DNM3: variants seen among roughly 807,000 people sequenced by gnomAD.
The protein encoded by DNM3 is dynamin 3.
Under a neutral mutation model 101.6 loss-of-function variants are expected in DNM3, and 47 were observed. That is an observed-to-expected ratio of 0.46 (90% confidence interval 0.37 to 0.59). The LOEUF (loss-of-function observed/expected upper bound fraction) is 0.59. DNM3 is among the 20% of genes least tolerant of loss of function. The pLI is 0.00. For synonymous variants in DNM3, 385 were observed against 387.9 expected (o/e 0.99, Z 0.09); for missense variants, 849 against 1,085.7 (o/e 0.78, Z 3.06).
chr1:172,053,020 A>C (rs2050315333), intron 10 of DNM3, among the ~76,000 whole-genome samples: 1 of 152,166 alleles, frequency 6.6e-6, no homozygotes. Context: ...CCTCAAATTC[A>C]TCTTTGCCAT....
At chr1:171,937,130 A>G (rs1217822025) in intron 2 of DNM3, among the ~76,000 whole-genome samples, 4 of 152,374 alleles carry the variant, frequency 2.6e-5, no homozygotes, top group African/African-American at 9.6e-5. Context: ...AGACTGATAC[A>G]TAGCAAAAAC....
chr1:172,376,462 T>A (rs2068606772), intron 17 of DNM3: 1 of 152,074 alleles, frequency 6.6e-6, no homozygotes, highest in Non-Finnish European at 1.5e-5. Context: ...AATATAGTCA[T>A]ACACAATATA....
In DNM3 at chr1:172,387,344, T is replaced by C; in HGVS notation, c.2270T>C (p.Ile757Thr). The change falls in exon 19 of 21, where the codon ATA (isoleucine) becomes ACA (threonine). Residue 757 changes from isoleucine (I) to threonine (T), a missense_variant. Coordinates refer to ENST00000627582, the MANE Select transcript of DNM3 (RefSeq NM_015569.5). ...PAPPPVDDSW[I>T]QHSRRSPPPS... ...CCCCCTCCAGTGGATGACTCCTGGA[T>C]ACAGCACTCTCGCAGGTAAGAAGAT... The C allele has an allele frequency of 6.2e-7, 1 of 1,613,370 alleles. No individual in the cohort carries two copies. Among genetic ancestry groups the C allele is most frequent in the Non-Finnish European group, 8.5e-7 (1 of 1,179,662 alleles).
intron 1 of DNM3, among the ~76,000 whole-genome samples, chr1:171,905,831 G>A (rs754359286): frequency 3.9e-5 from 6 of 151,918 alleles, no homozygotes; most frequent in Non-Finnish European, 8.8e-5. Context: ...GATTGTGAGG[G>A]TGAAAACCAT....
chr1:172,241,957 G>A (rs2061764648), intron 14 of DNM3, among the ~76,000 whole-genome samples: 1 of 152,150 alleles, frequency 6.6e-6, no homozygotes, highest in African/African-American at 2.4e-5. Flanking sequence ...TGTTGAGATA[G>A]CCCATCTTCA....
At chr1:171,869,200 G>A (rs1186325283) in intron 1 of DNM3, among the ~76,000 whole-genome samples, 1 of 152,078 alleles carries the variant, frequency 6.6e-6, no homozygotes, top group Admixed American at 6.5e-5. Flanking sequence ...TTTTGTGAAT[G>A]CTTTTGGATA....
intron 4 of DNM3, among the ~76,000 whole-genome samples, chr1:172,014,681 G>A (rs898486678): frequency 3.3e-5 from 5 of 151,912 alleles, no homozygotes; most frequent in African/African-American, 1.2e-4. Flanking sequence ...TGTGTATTTT[G>A]GATAACAGTT....
In DNM3 at chr1:171,922,154, T is replaced by TGTGC. The variant is rs892285004; in HGVS notation, c.235+334_235+335insTGCG. 9.3e-4 allele frequency among the ~76,000 whole-genome samples: 64 copies of TGTGC among 68,808 alleles called. 1 individual carries two copies. The Middle Eastern group carries it at 0.031, about 33-fold the overall frequency. The allele number at this position is 68,808 out of a possible 152,430, so 45.1% of individuals were successfully genotyped here. ...GTGTGTGTGTGTGTGTGTGTGTGTG[T>TGTGC]GCGTATGTGTGCATGCACATGCACT... On this transcript the variant is annotated intron_variant, in intron 2 of 20. Transcript: ENST00000627582.
At chr1:172,248,298 G>A (rs2062036100) in intron 14 of DNM3, among the ~76,000 whole-genome samples, 1 of 152,064 alleles carries the variant, frequency 6.6e-6, no homozygotes, top group African/African-American at 2.4e-5. Flanking sequence ...TTACACAATG[G>A]TCTAGGTAGG....
At chr1:171,921,244 G>A (rs555919460) in intron 1 of DNM3, among the ~76,000 whole-genome samples, 8 of 151,966 alleles carry the variant, frequency 5.3e-5, no homozygotes, top group African/African-American at 1.4e-4. Flanking sequence ...CACTGTGCCC[G>A]GCCTTGTTTC....
At chr1:171,983,146 A>G (rs2044939862) in intron 2 of DNM3, among the ~76,000 whole-genome samples, 1 of 151,910 alleles carries the variant, frequency 6.6e-6, no homozygotes, top group Admixed American at 6.6e-5. Context: ...CCTCTTCTTT[A>G]CAACAAAACT....
chr1:171,987,417 G>A, intron 2 of DNM3: 1 of 744,208 alleles, frequency 1.3e-6, no homozygotes, highest in Non-Finnish European at 1.6e-6. Context: ...TTTAGGGACT[G>A]GTTTTAGTAT....
intron 1 of DNM3, among the ~76,000 whole-genome samples, chr1:171,871,411 T>C (rs1029070565): frequency 5.9e-5 from 9 of 152,212 alleles, no homozygotes; most frequent in Admixed American, 5.9e-4. Context: ...AAATCTTTGG[T>C]GTTTCTGGAT....
At position 171,898,192 on chromosome 1, in the gene DNM3, G is replaced by A. The variant is rs193208161; in HGVS notation, c.162-23556G>A. On this transcript the variant is annotated intron_variant, in intron 1 of 20. Coordinates refer to ENST00000627582, the MANE Select transcript of DNM3 (RefSeq NM_015569.5). ...GGATCTTTGCCCTAATTGGCCAGTG[G>A]TAAAATTTAACCTTGGTTTTCATGG... is the stretch of plus-strand genomic sequence containing the variant. Among the ~76,000 whole-genome samples, 334 of 152,182 alleles carry A rather than the reference G, an allele frequency of 2.2e-3. 2 individuals are homozygous for A. Among genetic ancestry groups the A allele is most frequent in the Non-Finnish European group, 3.5e-3 (235 of 67,964 alleles).
chr1:172,107,613 A>T (rs757662495), intron 13 of DNM3, among the ~76,000 whole-genome samples: 4 of 152,220 alleles, frequency 2.6e-5, no homozygotes, highest in Admixed American at 1.3e-4. Flanking sequence ...GTTAGTGATG[A>T]TGTCCATATT....
chr1:171,875,938 G>T lies in DNM3; in HGVS notation c.161+34121G>T, dbSNP rs556550980. Among the ~76,000 whole-genome samples the T allele has an allele frequency of 3.7e-3, 552 of 149,930 alleles. 4 individuals are homozygous for T. Among genetic ancestry groups the T allele is most frequent in the African/African-American group, 0.013 (515 of 40,656 alleles). On this transcript the variant is annotated intron_variant, in intron 1 of 20. Transcript: ENST00000627582. The stretch of plus-strand genomic sequence containing the variant: ...TGATTCTTGTGCCTCAGCCTCCCAA[G>T]TAACTGGGACTACAGGCGCGTGCCA...
intron 6 of DNM3, 94 bp downstream of exon 6, chr1:172,033,359 C>T: frequency 2.3e-6 from 3 of 1,320,068 alleles, no homozygotes; most frequent in Non-Finnish European, 3.0e-6. Context: ...ATTTTTTTTT[C>T]CAAAACAAGA....
chr1:172,354,805 T>A (rs1425312227), intron 17 of DNM3, among the ~76,000 whole-genome samples: 1 of 152,090 alleles, frequency 6.6e-6, no homozygotes, highest in East Asian at 1.9e-4. Flanking sequence ...GAGCTTTGGA[T>A]GTACTTAGAC....
chr1:172,249,132 C>T, intron 14 of DNM3, among the ~76,000 whole-genome samples: 1 of 152,170 alleles, frequency 6.6e-6, no homozygotes, highest in East Asian at 1.9e-4. Flanking sequence ...TATTCCCCCA[C>T]ACACCTGATC....
Sources: gnomAD v4.1 joint callset for allele counts (sites outside exome capture counted in the v4.1 genomes callset) on GRCh38, gnomAD v4.1.1 for gene constraint, MANE v1.5 for transcripts, NCBI Gene and HGNC (gene_info 2026-07-23, HGNC 2026-07-21) for gene names.